The following LDB2 variants were observed in gnomAD, a reference collection of about 807,000 sequenced individuals.
The protein encoded by LDB2 is LIM domain-binding protein 2.
Under a neutral mutation model 44.3 loss-of-function variants are expected in LDB2, and 12 were observed. The observed-to-expected ratio is 0.27, with a 90% CI of 0.17 to 0.44. LDB2 has a LOEUF of 0.44. Ranked by LOEUF, LDB2 falls within the 20% of genes least tolerant of loss-of-function variation. LDB2 has a pLI of 1.00. For synonymous variants in LDB2, 164 were observed against 174.8 expected, an observed-to-expected ratio of 0.94 and a Z score of 0.49; for missense variants, 344 against 473.5, an observed-to-expected ratio of 0.73 and a Z score of 2.54.
intron 1 of LDB2, among the ~76,000 whole-genome samples, chr4:16,800,018 C>A (rs1352797808): frequency 1.3e-5 from 2 of 151,956 alleles, no homozygotes; most frequent in Non-Finnish European, 2.9e-5. Context: ...TATACCGAGG[C>A]CCAGTATATG....
rs1213111156 is a variant in LDB2, at chr4:16,586,507, C to CAAA, written c.532-503_532-502insTTT. 1.8e-3 allele frequency among the ~76,000 whole-genome samples: 136 copies of CAAA among 76,888 alleles called. 1 individual carries two copies. The South Asian group carries it at 0.04, about 23-fold the overall frequency. The allele number at this position is 76,888 out of a possible 152,430, so 50.4% of individuals were successfully genotyped here. A position where few individuals can be genotyped will look rare whatever the true frequency, so the allele number is the denominator to read the frequency against. On this transcript the variant is annotated intron_variant, in intron 4 of 7. Coordinates refer to ENST00000304523, the MANE Select transcript of LDB2 (RefSeq NM_001290.5). ...TGAAATACACACACACACACACACACACACACACACACACACACAAAACAC... is the reference window on the plus strand; with the variant it reads ...TGAAATACACACACACACACACACACAAAACACACACACACACACACAAAACAC...
chr4:16,581,921 G>GAAGA (rs139439963), intron 5 of LDB2, among the ~76,000 whole-genome samples: 8,941 of 145,308 alleles, frequency 0.062, 833 homozygotes, highest in African/African-American at 0.2. Flanking sequence ...ACGAAGGAAA[G>GAAGA]AAGAAAGAAA....
chr4:16,562,091 C>G (rs1279603374), intron 5 of LDB2, among the ~76,000 whole-genome samples: 3 of 152,124 alleles, frequency 2.0e-5, no homozygotes, highest in Non-Finnish European at 4.4e-5. Flanking sequence ...AAGACTTAAA[C>G]GTTAGATCTA....
At chr4:16,565,245 A>AT (rs1400167212) in intron 5 of LDB2, among the ~76,000 whole-genome samples, 5 of 152,200 alleles carry the variant, frequency 3.3e-5, no homozygotes, top group Non-Finnish European at 5.9e-5. Flanking sequence ...AACAGTAATG[A>AT]TACCTAGTTC....
chr4:16,791,025 G>C (rs1775588119), intron 1 of LDB2, among the ~76,000 whole-genome samples: 1 of 152,036 alleles, frequency 6.6e-6, no homozygotes, highest in Non-Finnish European at 1.5e-5. Flanking sequence ...CAACTGCCTG[G>C]CTCAGAAAAT....
At chr4:16,705,538 G>C (rs1315740532) in intron 2 of LDB2, among the ~76,000 whole-genome samples, 23 of 152,238 alleles carry the variant, frequency 1.5e-4, no homozygotes, top group Admixed American at 1.3e-3. Context: ...TTCAATCTGT[G>C]GCCTGAGGGC....
intron 5 of LDB2, among the ~76,000 whole-genome samples, chr4:16,531,092 C>A (rs1256227066): frequency 6.6e-6 from 1 of 152,190 alleles, no homozygotes; most frequent in Non-Finnish European, 1.5e-5. Context: ...CTTCTTTTGA[C>A]CCATACCCAG....
intron 5 of LDB2, among the ~76,000 whole-genome samples, chr4:16,539,261 G>A (rs1391685870): frequency 6.6e-6 from 1 of 152,110 alleles, no homozygotes; most frequent in Non-Finnish European, 1.5e-5. Flanking sequence ...GTAAAGAGAG[G>A]AGAAAAGGAG....
intron 1 of LDB2, among the ~76,000 whole-genome samples, chr4:16,782,929 G>A (rs1257237440): frequency 6.6e-6 from 1 of 151,426 alleles, no homozygotes; most frequent in Non-Finnish European, 1.5e-5. Flanking sequence ...AGAAGTACTT[G>A]AAAAAAAATA....
intron 2 of LDB2, among the ~76,000 whole-genome samples, chr4:16,670,576 A>C (rs1377936229): frequency 6.6e-6 from 1 of 152,220 alleles, no homozygotes; most frequent in Admixed American, 6.5e-5. Flanking sequence ...ATAAATAAAA[A>C]CAGAGTCAAT....
intron 2 of LDB2, among the ~76,000 whole-genome samples, chr4:16,735,083 C>T (rs1028324033): frequency 1.3e-5 from 2 of 152,144 alleles, no homozygotes; most frequent in Non-Finnish European, 2.9e-5. Context: ...AAACAGTCAT[C>T]ATTCCTCCAT....
At chr4:16,742,165 G>A (rs980058689) in intron 2 of LDB2, among the ~76,000 whole-genome samples, 2 of 148,248 alleles carry the variant, frequency 1.3e-5, no homozygotes, top group Non-Finnish European at 3.0e-5. Context: ...TCCGCCTTTC[G>A]GGTTCAAGCG....
At chr4:16,663,042 G>C (rs992226738) in intron 2 of LDB2, among the ~76,000 whole-genome samples, 1 of 152,102 alleles carries the variant, frequency 6.6e-6, no homozygotes, top group Non-Finnish European at 1.5e-5. Flanking sequence ...CCAAGTATTT[G>C]TTTCCTGGGG....
intron 2 of LDB2, among the ~76,000 whole-genome samples, chr4:16,622,278 A>G (rs1402047014): frequency 1.3e-5 from 2 of 152,372 alleles, no homozygotes; most frequent in East Asian, 3.9e-4. Context: ...CAAGGGGAAC[A>G]AATAAAGAGA....
intron 2 of LDB2, among the ~76,000 whole-genome samples, chr4:16,714,795 C>T (rs1458140120): frequency 6.6e-6 from 1 of 152,080 alleles, no homozygotes; most frequent in African/African-American, 2.4e-5. Context: ...CTTATAGACA[C>T]ATCACCCTAA....
intron 2 of LDB2, among the ~76,000 whole-genome samples, chr4:16,640,101 A>G (rs1341336453): frequency 2.6e-5 from 4 of 152,182 alleles, no homozygotes; most frequent in Non-Finnish European, 4.4e-5. Flanking sequence ...TGTTTGAAGC[A>G]CCCTAGCTTT....
chr4:16,503,133 TG>T, intron 7 of LDB2: 1 of 1,535,840 alleles, frequency 6.5e-7, no homozygotes. Flanking sequence ...GCTAGCAATC[TG>T]CAGAAATAAA....
intron 1 of LDB2, among the ~76,000 whole-genome samples, chr4:16,883,798 C>T (rs1720868174): frequency 6.6e-6 from 1 of 152,114 alleles, no homozygotes; most frequent in Non-Finnish European, 1.5e-5. Flanking sequence ...GACTAGAGGC[C>T]CCAGGCCGCT....
chr4:16,551,619 A>G (rs1337177926), intron 5 of LDB2, among the ~76,000 whole-genome samples: 3 of 151,964 alleles, frequency 2.0e-5, no homozygotes, highest in African/African-American at 4.8e-5. Context: ...CTGGGTTCAA[A>G]CAATTCTCCT....
Sources: gnomAD v4.1 joint callset for allele counts (sites outside exome capture counted in the v4.1 genomes callset) on GRCh38, gnomAD v4.1.1 for gene constraint, MANE v1.5 for transcripts, NCBI Gene and HGNC (gene_info 2026-07-23, HGNC 2026-07-21) for gene names.